Variants in DEPDC1 observed in about 807,000 individuals in gnomAD.
DEPDC1 encodes the protein DEP domain containing 1, also known as DEP domain-containing protein 1A.
In DEPDC1, 66 loss-of-function variants were observed where a neutral mutation model predicts 86.8. The ratio of observed to expected loss-of-function variants is 0.76; its 90% CI spans 0.62 to 0.93. The LOEUF (loss-of-function observed/expected upper bound fraction) is 0.93, where lower values mean the gene tolerates loss of function less well. Ranked by LOEUF, DEPDC1 falls within the 40% of genes least tolerant of loss-of-function variation. The pLI, the probability that DEPDC1 is intolerant of heterozygous loss-of-function variation, is 0.00. For synonymous variants in DEPDC1, 255 were observed against 314.9 expected, an observed-to-expected ratio of 0.81 and a Z score of 2.02; for missense variants, 792 against 935.7, an observed-to-expected ratio of 0.85 and a Z score of 2.00.
chr1:68,481,401 A>T (rs750783919), intron 9 of DEPDC1, 39 bp downstream of exon 9: 1 of 1,564,062 alleles, frequency 6.4e-7, no homozygotes, highest in Non-Finnish European at 8.7e-7. Flanking sequence ...ATTTTGGTTT[A>T]TGAATCAGAC....
chr1:68,482,477 G>C lies in DEPDC1; in HGVS notation c.1331C>G (p.Ser444Cys). 1.2e-6 allele frequency: 2 copies of C among 1,613,018 alleles called. No individual in the cohort carries two copies. Among genetic ancestry groups the C allele is most frequent in the East Asian group, 2.2e-5 (1 of 44,834 alleles). ...ATTTTGTCCTTCTATGTTCGGAAAA[G>C]ATTGATGAAAGACACTGGATGCCTC... ...SKEASSVFHQ[S>C]FPNIEGQNNK... The change falls in exon 8 of 12, where the codon TCT becomes TGT. Residue 444 changes from serine (S) to cysteine (C), a missense_variant. Ser to Cys is a moderately radical substitution (Grantham distance 112). Transcript: ENST00000456315.
intron 6 of DEPDC1, among the ~76,000 whole-genome samples, chr1:68,485,164 T>TCACACA (rs57417497): frequency 1.3e-5 from 2 of 149,462 alleles, no homozygotes; most frequent in East Asian, 2.0e-4. Context: ...AGAAAACAAT[T>TCACACA]CACACACACA....
intron 5 of DEPDC1, 146 bp from the exon 6 acceptor site, chr1:68,487,130 T>A (rs1646198342): frequency 1.7e-6 from 1 of 602,890 alleles, no homozygotes; most frequent in Non-Finnish European, 2.6e-6. Context: ...TTACCAGGAT[T>A]AAAAAGTATT....
chr1:68,484,094 A>G lies in DEPDC1; in HGVS notation c.770-4T>C, dbSNP rs1478434419. 6.5e-7 allele frequency: 1 copy of G among 1,540,974 alleles called. No individual in the cohort carries two copies. The highest frequency in any genetic ancestry group is 1.4e-5 in the African/African-American group (1 of 70,378). On this transcript the variant is annotated splice_polypyrimidine_tract_variant and splice_region_variant and intron_variant, in intron 6 of 11. Coordinates refer to ENST00000456315, the MANE Select transcript of DEPDC1 (RefSeq NM_001114120.3). ...TTCATATCATTGCTTCTTGGCCCTA[A>G]GAAGTAGAAGGCAAGAGAAAAAGGT...
Position 68,476,645 on chromosome 1 carries a change from C to T in DEPDC1, c.*287G>A, listed in dbSNP as rs182228055. ...TTAATCCCTAACACAGCTCAGTTTT[C>T]AAAATTCAAGTAAATAAAATTTTAG... On this transcript the variant is annotated 3_prime_UTR_variant, in exon 12 of 12. Coordinates refer to ENST00000456315, the MANE Select transcript of DEPDC1 (RefSeq NM_001114120.3). The T allele has an allele frequency of 2.1e-4, 47 of 224,202 alleles. No individual in the cohort carries two copies. The East Asian group carries it at 3.8e-3, about 18-fold the overall frequency. The allele number at this position is 224,202 out of a possible 1,614,324, so 13.9% of individuals were successfully genotyped here.
At position 68,488,802 on chromosome 1, in the gene DEPDC1, C is replaced by T. The variant is rs1032977658; in HGVS notation, c.590+114G>A. On this transcript the variant is annotated intron_variant, in intron 4 of 11. Coordinates refer to ENST00000456315, the MANE Select transcript of DEPDC1 (RefSeq NM_001114120.3). Reference sequence around the variant, plus strand: ...TATTTAAAAACACATATACAGGTTGCATTCTAAGCTTTCAGAATTAATCTG... The same window carrying T: ...TATTTAAAAACACATATACAGGTTGTATTCTAAGCTTTCAGAATTAATCTG... 9 of 784,180 alleles carry T rather than the reference C, an allele frequency of 1.1e-5. No homozygotes were observed. In the Admixed American group the frequency reaches 1.9e-4, roughly 17 times the overall value. The allele number at this position is 784,180 out of a possible 1,614,324, so 48.6% of individuals were successfully genotyped here.
Position 68,483,004 on chromosome 1 carries a change from T to G in DEPDC1, c.911-107A>C. ...AAATAAAGCATTACTATAGTATATA[T>G]TGTTAGTATAGTATACACAGTAGTT... On this transcript the variant is annotated intron_variant, in intron 7 of 11. Transcript: ENST00000456315. 2.5e-6 allele frequency: 3 copies of G among 1,193,878 alleles called. No homozygotes were observed. The East Asian group carries it at 7.7e-5, about 31-fold the overall frequency. 74.0% of individuals were successfully genotyped at this position (1,193,878 alleles called of 1,614,324 possible). A position where few individuals can be genotyped will look rare whatever the true frequency, so the allele number is the denominator to read the frequency against.
rs193009410 is a variant in DEPDC1, at chr1:68,496,898, A to G, written c.48+54T>C. On this transcript the variant is annotated intron_variant, in intron 1 of 11. Coordinates refer to ENST00000456315, the MANE Select transcript of DEPDC1 (RefSeq NM_001114120.3). The surrounding 1 kb of genome is among the most constrained non-coding windows in gnomAD (Gnocchi z 4.0). ...GAACGGTCGAGGTAAAACTGCGAAC[A>G]GTGGTGACTGCCGTCAGCCCGCTGA... is the stretch of plus-strand genomic sequence containing the variant. 12 of 1,547,684 alleles carry G rather than the reference A, an allele frequency of 7.8e-6. No individual in the cohort carries two copies. The highest frequency in any genetic ancestry group is 9.8e-6 in the Non-Finnish European group (11 of 1,126,620).
chr1:68,483,344 A>G, intron 7 of DEPDC1: 1 of 512,210 alleles, frequency 2.0e-6, no homozygotes, highest in Middle Eastern at 3.2e-4. Flanking sequence ...TAACAAGCCT[A>G]TTTCAGCGTA....
rs941188304 is a variant in DEPDC1, at chr1:68,475,251, T to G, written c.*1681A>C. The G allele has an allele frequency of 6.6e-6, 1 of 151,980 alleles. No individual in the cohort carries two copies. Among genetic ancestry groups the G allele is most frequent in the Non-Finnish European group, 1.5e-5 (1 of 67,906 alleles). The allele number at this position is 151,980 out of a possible 1,614,324, so 9.4% of individuals were successfully genotyped here. On this transcript the variant is annotated 3_prime_UTR_variant, in exon 12 of 12. Coordinates refer to ENST00000456315, the MANE Select transcript of DEPDC1 (RefSeq NM_001114120.3). ...TTTTGTAATCTCAATTGCATGTACA[T>G]TAGTGCAAATGAAAGTTGCCTGCCT...
In DEPDC1 at chr1:68,496,111, A is replaced by G. The variant is rs1317145032; in HGVS notation, c.48+841T>C. ...CTCTAGAGGGCATTTAACGTCTGTG[A>G]GCCTCAGTGTGCACCTGATAAAGTA... is the stretch of plus-strand genomic sequence containing the variant. On this transcript the variant is annotated intron_variant, in intron 1 of 11. Transcript: ENST00000456315. The surrounding 1 kb of genome is among the most constrained non-coding windows in gnomAD (Gnocchi z 4.0). Among the ~76,000 whole-genome samples the G allele has an allele frequency of 6.6e-6, 1 of 152,182 alleles. No individual in the cohort carries two copies. The highest frequency in any genetic ancestry group is 1.9e-4 in the East Asian group (1 of 5,184).
At chr1:68,494,384 A>C in intron 2 of DEPDC1, 46 bp downstream of exon 2, 2 of 1,537,022 alleles carry the variant, frequency 1.3e-6, no homozygotes, top group Non-Finnish European at 1.8e-6. Context: ...AGTAGAGATA[A>C]AACTTTACAG....
chr1:68,482,888 C>A lies in DEPDC1; in HGVS notation c.920G>T (p.Gly307Val). Residue 307 changes from glycine (G) to valine (V), a missense_variant, in exon 8 of 12, where the codon GGC (glycine) becomes GTC (valine). By Grantham distance (109) the Gly-to-Val change is moderately radical (BLOSUM62 -3). Coordinates refer to ENST00000456315, the MANE Select transcript of DEPDC1 (RefSeq NM_001114120.3). Reference protein sequence around the residue: ...ELFVNILVVCGYITVSDRSSG... With the variant: ...ELFVNILVVCVYITVSDRSSG... ...GGATCTATCTGAAACTGTGATGTAGCCACAAACAACTACCAGGAAATGAAA... is the reference window on the plus strand; with the variant it reads ...GGATCTATCTGAAACTGTGATGTAGACACAAACAACTACCAGGAAATGAAA... 2 of 1,556,954 alleles carry A rather than the reference C, an allele frequency of 1.3e-6. No individual in the cohort carries two copies. The highest frequency in any genetic ancestry group is 2.3e-5 in the East Asian group (1 of 44,212).
At chr1:68,480,862 T>TA (rs923182828) in intron 9 of DEPDC1, among the ~76,000 whole-genome samples, 2 of 150,738 alleles carry the variant, frequency 1.3e-5, no homozygotes, top group African/African-American at 4.9e-5. Context: ...AGTGGTGACT[T>TA]AAAAAAAAAG....
chr1:68,480,594 C>A (rs1646148736), intron 9 of DEPDC1, among the ~76,000 whole-genome samples: 1 of 151,960 alleles, frequency 6.6e-6, no homozygotes, highest in Non-Finnish European at 1.5e-5. Flanking sequence ...ATTTCAATTT[C>A]TCTTGGAGGT....
At position 68,477,958 on chromosome 1, in the gene DEPDC1, TC is replaced by T; in HGVS notation, c.2126del (p.Gly709GlufsTer38). 6.5e-7 allele frequency: 1 copy of T among 1,542,098 alleles called. No homozygotes were observed. Among genetic ancestry groups the T allele is most frequent in the Non-Finnish European group, 8.7e-7 (1 of 1,145,652 alleles). On this transcript the variant is annotated frameshift_variant, in exon 11 of 12. Coordinates refer to ENST00000456315, the MANE Select transcript of DEPDC1 (RefSeq NM_001114120.3). LOFTEE classifies it high-confidence loss of function. Reference sequence around the variant, plus strand: ...TTGGCAAAGGAGCAAATAGTCCATCTCCAGGATTTTCAATCTGTAGTGATCA... The same window carrying T: ...TTGGCAAAGGAGCAAATAGTCCATCTCAGGATTTTCAATCTGTAGTGATCA... ...YLKKGHIENP[G>X]DGLFAPLPTY...
chr1:68,489,645 A>G (rs748938049), intron 2 of DEPDC1, 37 bp from the exon 3 acceptor site: 1 of 1,477,022 alleles, frequency 6.8e-7, no homozygotes. Context: ...ATAATGTGAG[A>G]TTAGAAACAA....
Position 68,476,988 on chromosome 1 carries a change from T to C in DEPDC1, c.2380A>G (p.Thr794Ala), listed in dbSNP as rs760850614. ...SEAALFGDKP[T>A]IKQPMLILRK... ...AAAATCAGCATTGGTTGCTTGATTG[T>C]AGGTTTGTCACCAAAAAGTGCTGCT... Residue 794 changes from threonine (T) to alanine (A), a missense_variant, in exon 12 of 12, where the codon ACA becomes GCA. Transcript: ENST00000456315. 4.4e-6 allele frequency: 7 copies of C among 1,607,720 alleles called. No homozygotes were observed. The East Asian group carries it at 8.9e-5, about 21-fold the overall frequency.
At position 68,496,801 on chromosome 1, in the gene DEPDC1, A is replaced by G. The variant is rs935796242; in HGVS notation, c.48+151T>C. ...GTCTGGCAAGGGTTGCATACCCGCT[A>G]CTTCTCCTCGCCAGCCTTTTCACTG... On this transcript the variant is annotated intron_variant, in intron 1 of 11. Transcript: ENST00000456315. This position sits in a 1 kb window ranked among gnomAD's most constrained non-coding sequence, Gnocchi z 4.0. The G allele has an allele frequency of 3.5e-5, 26 of 750,066 alleles. No individual in the cohort carries two copies. In the African/African-American group the frequency reaches 4.5e-4, roughly 13 times the overall value. The allele number at this position is 750,066 out of a possible 1,614,324, so 46.5% of individuals were successfully genotyped here. A position where few individuals can be genotyped will look rare whatever the true frequency, so the allele number is the denominator to read the frequency against.
Sources: allele counts gnomAD v4.1 joint callset (sites outside exome capture counted in the v4.1 genomes callset), GRCh38; gene constraint gnomAD v4.1.1; non-coding constraint Gnocchi (gnomAD v3.1); transcripts MANE v1.5; gene names NCBI Gene and HGNC (gene_info 2026-07-23, HGNC 2026-07-21).